The following LEMD3 variants were observed in gnomAD, a reference collection of about 807,000 sequenced individuals.
LEMD3 encodes the protein inner nuclear membrane protein Man1.
LEMD3 carries 33 observed loss-of-function variants against 95.2 expected under a neutral mutation model. The ratio of observed to expected loss-of-function variants is 0.35; its 90% CI spans 0.26 to 0.46. The LOEUF (loss-of-function observed/expected upper bound fraction) is 0.46. Ranked by LOEUF, LEMD3 falls within the 20% of genes least tolerant of loss-of-function variation. The pLI is 1.00. For missense variants in LEMD3, 1,210 were observed against 1,192.8 expected, an observed-to-expected ratio of 1.01 and a Z score of -0.21; for synonymous variants, 525 against 474.6, an observed-to-expected ratio of 1.11 and a Z score of -1.38.
chr12:65,245,474 G>A (rs1299619304), intron 10 of LEMD3, 195 bp from the exon 11 acceptor site: 1 of 561,814 alleles, frequency 1.8e-6, no homozygotes, highest in Non-Finnish European at 3.2e-6. Flanking sequence ...AGTGGGAGGA[G>A]GGCTGAGACT....
At chr12:65,195,434 G>C (rs1192123044) in intron 1 of LEMD3, among the ~76,000 whole-genome samples, 1 of 151,674 alleles carries the variant, frequency 6.6e-6, no homozygotes, top group African/African-American at 2.4e-5. Flanking sequence ...TTGTGTATCT[G>C]GCCAGATGGC....
At chr12:65,221,247 G>T (rs924318275) in intron 4 of LEMD3, among the ~76,000 whole-genome samples, 17 of 146,794 alleles carry the variant, frequency 1.2e-4, no homozygotes, top group Non-Finnish European at 2.4e-4. Context: ...TTATTCCTAA[G>T]TATCTAAATC....
intron 1 of LEMD3, among the ~76,000 whole-genome samples, chr12:65,178,967 A>G (rs1565779450): frequency 6.6e-6 from 1 of 152,230 alleles, no homozygotes; most frequent in Non-Finnish European, 1.5e-5. Flanking sequence ...TCATTCAACA[A>G]TTATGAATCA....
At chr12:65,210,553 A>G (rs1008125100) in intron 1 of LEMD3, among the ~76,000 whole-genome samples, 7 of 152,130 alleles carry the variant, frequency 4.6e-5, no homozygotes, top group Non-Finnish European at 8.8e-5. Context: ...ACAACTGTAT[A>G]AGGTAGGTAT....
At chr12:65,172,178 A>C (rs768029946) in intron 1 of LEMD3, among the ~76,000 whole-genome samples, 1 of 152,202 alleles carries the variant, frequency 6.6e-6, no homozygotes. Context: ...TTCCTAATCT[A>C]TAAGATGAGG....
At chr12:65,209,082 G>C (rs143923847) in intron 1 of LEMD3, among the ~76,000 whole-genome samples, 2 of 152,064 alleles carry the variant, frequency 1.3e-5, no homozygotes, top group Non-Finnish European at 1.5e-5. Context: ...TGCCGAGATA[G>C]CACAACAAGC....
In LEMD3 at chr12:65,248,005, G is replaced by A. The variant is rs1416945535; in HGVS notation, c.*1680G>A. The stretch of plus-strand genomic sequence containing the variant: ...CATCATAGTGATTTATCTGAGCTTA[G>A]TGACCCCCATCTTGTAACCTGTTGC... On this transcript the variant is annotated 3_prime_UTR_variant, in exon 13 of 13. Transcript: ENST00000308330. The A allele has an allele frequency of 6.6e-6, 1 of 152,448 alleles. No homozygotes were observed. Among genetic ancestry groups the A allele is most frequent in the Non-Finnish European group, 1.5e-5 (1 of 67,992 alleles). 9.4% of individuals were successfully genotyped at this position (152,448 alleles called of 1,614,324 possible).
intron 1 of LEMD3, among the ~76,000 whole-genome samples, chr12:65,200,877 C>G (rs926853936): frequency 3.3e-5 from 5 of 152,082 alleles, no homozygotes; most frequent in Admixed American, 2.0e-4. Flanking sequence ...AAGTCATTGC[C>G]AAACCCTGGG....
intron 1 of LEMD3, among the ~76,000 whole-genome samples, chr12:65,194,033 T>A (rs1290399213): frequency 1.3e-5 from 2 of 152,142 alleles, no homozygotes; most frequent in African/African-American, 2.4e-5. Flanking sequence ...CCAACAATAT[T>A]GAGCTAGTCT....
chr12:65,169,767 G>A lies in LEMD3; in HGVS notation c.171G>A (p.Gly57=). Residue 57 remains glycine (G), a synonymous_variant, in exon 1 of 13, where the codon GGG becomes GGA. Coordinates refer to ENST00000308330, the MANE Select transcript of LEMD3 (RefSeq NM_014319.5). ...REEEQQQHRS[G]GRGNKTRNSN... Reference sequence around the variant, plus strand: ...AAGAGCAGCAACAGCACCGGTCAGGGGGCCGCGGCAACAAGACGCGGAACA... The same window carrying A: ...AAGAGCAGCAACAGCACCGGTCAGGAGGCCGCGGCAACAAGACGCGGAACA... 2 of 1,585,326 alleles carry A rather than the reference G, an allele frequency of 1.3e-6. No individual in the cohort carries two copies. The highest frequency in any genetic ancestry group is 2.3e-5 in the South Asian group (2 of 88,010).
At chr12:65,185,578 G>A (rs1869036883) in intron 1 of LEMD3, among the ~76,000 whole-genome samples, 1 of 151,854 alleles carries the variant, frequency 6.6e-6, no homozygotes, top group South Asian at 2.1e-4. Context: ...CAAAAGTACT[G>A]TTATGGGGAA....
chr12:65,192,715 A>C lies in LEMD3; in HGVS notation c.1523-18211A>C, dbSNP rs1869281947. Among the ~76,000 whole-genome samples, 2 of 152,178 alleles carry C rather than the reference A, an allele frequency of 1.3e-5. 1 individual carries two copies. The highest frequency in any genetic ancestry group is 2.9e-5 in the Non-Finnish European group (2 of 68,028). The stretch of plus-strand genomic sequence containing the variant: ...AGGACATGATTACTAACAGACCTGA[A>C]TATCTTTCGTTCTGAAATAAGCCAA... On this transcript the variant is annotated intron_variant, in intron 1 of 12. Transcript: ENST00000308330.
At position 65,207,866 on chromosome 12, in the gene LEMD3, C is replaced by T. The variant is rs758288962; in HGVS notation, c.1523-3060C>T. Among the ~76,000 whole-genome samples the T allele has an allele frequency of 2.0e-5, 3 of 152,030 alleles. 1 individual carries two copies. The highest frequency in any genetic ancestry group is 4.4e-5 in the Non-Finnish European group (3 of 67,986). On this transcript the variant is annotated intron_variant, in intron 1 of 12. Transcript: ENST00000308330. ...ATCTGAGAATTCATAACATGATAAA[C>T]TTTATTTCTGTGTAAGAGAATGGAA...
chr12:65,234,575 A>G (rs369649632), intron 4 of LEMD3, among the ~76,000 whole-genome samples: 1 of 152,148 alleles, frequency 6.6e-6, no homozygotes, highest in Non-Finnish European at 1.5e-5. Context: ...TAAATAATCA[A>G]TTGTTTATTG....
At chr12:65,181,897 TG>T (rs1185144144) in intron 1 of LEMD3, among the ~76,000 whole-genome samples, 14 of 151,746 alleles carry the variant, frequency 9.2e-5, no homozygotes, top group African/African-American at 1.9e-4. Context: ...AGAAGTGTTT[TG>T]TTTTTTTTTT....
chr12:65,208,427 A>T (rs1869829392), intron 1 of LEMD3, among the ~76,000 whole-genome samples: 1 of 152,100 alleles, frequency 6.6e-6, no homozygotes. Flanking sequence ...TAAAGAATGA[A>T]GTGGCAAATT....
intron 1 of LEMD3, among the ~76,000 whole-genome samples, chr12:65,193,980 A>G (rs1199495745): frequency 6.6e-6 from 1 of 152,154 alleles, no homozygotes; most frequent in Non-Finnish European, 1.5e-5. Flanking sequence ...CTCGTATTAT[A>G]CTTAAAGCTG....
intron 4 of LEMD3, among the ~76,000 whole-genome samples, chr12:65,222,417 G>T (rs551398350): frequency 9.2e-5 from 14 of 152,014 alleles, no homozygotes; most frequent in Non-Finnish European, 1.8e-4. Context: ...ATTGTCTTTG[G>T]TGTCAGAGTA....
At chr12:65,240,717 T>A (rs537891999) in intron 8 of LEMD3, 192 bp from the exon 9 acceptor site, 17 of 605,110 alleles carry the variant, frequency 2.8e-5, no homozygotes, top group Non-Finnish European at 4.6e-5. Context: ...AAAATACAGA[T>A]GTTTGTGCTC....
Sources: allele counts gnomAD v4.1 joint callset (sites outside exome capture counted in the v4.1 genomes callset), GRCh38; gene constraint gnomAD v4.1.1; transcripts MANE v1.5; gene names NCBI Gene and HGNC (gene_info 2026-07-23, HGNC 2026-07-21).